ABHD2: variants seen among roughly 807,000 people sequenced by gnomAD.
ABHD2 encodes abhydrolase domain containing 2, acylglycerol lipase.
A neutral mutation model predicts 48.1 loss-of-function variants in ABHD2; 20 were observed. The observed-to-expected ratio is 0.42, with a 90% CI of 0.29 to 0.60. The LOEUF is 0.60. ABHD2 is among the 20% of genes least tolerant of loss of function. The probability of loss-of-function intolerance (pLI) is 0.24; values close to 1 mark genes in which losing one functional copy is unlikely to be tolerated. For missense variants in ABHD2, 405 were observed against 550.9 expected (o/e 0.74, Z 2.65); for synonymous variants, 209 against 214.2 (o/e 0.98, Z 0.21).
At chr15:89,058,262 C>T in the ABHD2 span, among the ~76,000 whole-genome samples, 2 of 152,140 alleles carry the variant, frequency 1.3e-5, no homozygotes, top group Non-Finnish European at 2.9e-5. Context: ...AGGAGCCTCA[C>T]ATACGTGTGG....
the ABHD2 span, among the ~76,000 whole-genome samples, chr15:89,078,466 A>T: frequency 6.6e-6 from 1 of 152,194 alleles, no homozygotes; most frequent in Non-Finnish European, 1.5e-5. Context: ...AGATCGTTGC[A>T]TTTGGATATT....
At chr15:89,042,652 T>G in the ABHD2 span, among the ~76,000 whole-genome samples, 5 of 151,146 alleles carry the variant, frequency 3.3e-5, no homozygotes, top group African/African-American at 1.2e-4. Flanking sequence ...TTTTGTTTTT[T>G]CTTTTCTTTT....
chr15:89,045,335 G>A, the ABHD2 span, among the ~76,000 whole-genome samples: 1 of 152,150 alleles, frequency 6.6e-6, no homozygotes, highest in Admixed American at 6.6e-5. Flanking sequence ...AAGTCAGGTA[G>A]TGTGACGCCT....
At chr15:89,134,705 T>C (rs2050275393) in intron 3 of ABHD2, among the ~76,000 whole-genome samples, 1 of 152,198 alleles carries the variant, frequency 6.6e-6, no homozygotes, top group South Asian at 2.1e-4. Flanking sequence ...TATAGGTAAT[T>C]TAGGGAAAAT....
chr15:89,042,606 ATTTATTTATTTATTTATTTATTTATTTT>A, the ABHD2 span, among the ~76,000 whole-genome samples: 18 of 82,718 alleles, frequency 2.2e-4, no homozygotes, highest in South Asian at 4.2e-3. Context: ...TTATTTATTT[ATTTATTTATTTATTTATTTATTTATTTT>A]GGAGACTTTT....
chr15:89,145,186 G>A (rs1229100506), intron 3 of ABHD2, among the ~76,000 whole-genome samples: 2 of 152,202 alleles, frequency 1.3e-5, no homozygotes, highest in Non-Finnish European at 2.9e-5. Context: ...AACCCAGGAG[G>A]TGAAGGTTGC....
chr15:89,109,472 G>A (rs993856443), intron 1 of ABHD2, among the ~76,000 whole-genome samples: 2 of 152,022 alleles, frequency 1.3e-5, no homozygotes, highest in Non-Finnish European at 2.9e-5. Flanking sequence ...GTTTGGGGTG[G>A]GGGTAGGGAG....
intron 1 of ABHD2, among the ~76,000 whole-genome samples, chr15:89,109,055 C>T (rs936391504): frequency 3.9e-5 from 6 of 152,346 alleles, no homozygotes; most frequent in Middle Eastern, 3.4e-3. Context: ...AAGGGCAGAG[C>T]AGACACTAGG....
Position 89,188,105 on chromosome 15 carries a change from C to T in ABHD2, c.816-88C>T, listed in dbSNP as rs897620430. The T allele has an allele frequency of 1.3e-5, 15 of 1,149,372 alleles. No homozygotes were observed. Among genetic ancestry groups the T allele is most frequent in the Admixed American group, 1.8e-5 (1 of 54,688 alleles). The allele number at this position is 1,149,372 out of a possible 1,614,324, so 71.2% of individuals were successfully genotyped here. ...CTAACTGACCACGTTGGCTCTCCCT[C>T]CTGGCTTGCTGTGGCAAGGAAGCAG... On this transcript the variant is annotated intron_variant, in intron 7 of 10. Transcript: ENST00000352732. The surrounding 1 kb of genome is among the most constrained non-coding windows in gnomAD (Gnocchi z 4.1).
intron 3 of ABHD2, among the ~76,000 whole-genome samples, chr15:89,143,936 T>G (rs960172613): frequency 3.3e-5 from 5 of 152,058 alleles, no homozygotes; most frequent in African/African-American, 1.2e-4. Flanking sequence ...TGATTGGGAA[T>G]ATAAAATGGT....
the ABHD2 span, among the ~76,000 whole-genome samples, chr15:89,059,026 A>G: frequency 2.0e-5 from 3 of 152,176 alleles, no homozygotes; most frequent in African/African-American, 7.2e-5. Context: ...TGAAAAATTC[A>G]TGAAGGAAGA....
At chr15:89,187,874 G>T (rs953064716) in intron 7 of ABHD2, among the ~76,000 whole-genome samples, 1 of 152,140 alleles carries the variant, frequency 6.6e-6, no homozygotes, top group Non-Finnish European at 1.5e-5. Context: ...TAAGGACGAC[G>T]CCCCTACGGC....
rs1241423803 is a variant in ABHD2, at chr15:89,189,365, C to T, written c.926+1062C>T. Among the ~76,000 whole-genome samples the T allele has an allele frequency of 5.3e-5, 8 of 151,850 alleles. No homozygotes were observed. The highest frequency in any genetic ancestry group is 2.1e-4 in the South Asian group (1 of 4,812). ...AAAAATAGCCGGGCATAGTGGCACA[C>T]ACCTGTAGTCCCAGCTGCTTAGGAG... On this transcript the variant is annotated intron_variant, in intron 8 of 10. Transcript: ENST00000352732. The surrounding 1 kb of genome is among the most constrained non-coding windows in gnomAD (Gnocchi z 4.9).
chr15:89,089,128 A>G (rs1283865791), intron 1 of ABHD2, among the ~76,000 whole-genome samples: 2 of 152,216 alleles, frequency 1.3e-5, no homozygotes, highest in Non-Finnish European at 2.9e-5. Context: ...AGCTTTTCCC[A>G]CAGCTAGAGC....
At chr15:89,136,868 T>C (rs1234995435) in intron 3 of ABHD2, among the ~76,000 whole-genome samples, 1 of 152,216 alleles carries the variant, frequency 6.6e-6, no homozygotes, top group Admixed American at 6.5e-5. Flanking sequence ...AGGCACTGTG[T>C]TGGACAAAGA....
At chr15:89,051,099 G>A in the ABHD2 span, among the ~76,000 whole-genome samples, 1 of 152,126 alleles carries the variant, frequency 6.6e-6, no homozygotes, top group African/African-American at 2.4e-5. Context: ...TGGGCGTGGT[G>A]GTGCGCGCCT....
chr15:89,062,390 G>T, the ABHD2 span, among the ~76,000 whole-genome samples: 1 of 151,828 alleles, frequency 6.6e-6, no homozygotes, highest in Non-Finnish European at 1.5e-5. Flanking sequence ...TTTGTTTTTT[G>T]TTTTTGTTTT....
At chr15:89,096,269 T>A (rs2049611828) in intron 1 of ABHD2, among the ~76,000 whole-genome samples, 1 of 152,370 alleles carries the variant, frequency 6.6e-6, no homozygotes, top group African/African-American at 2.4e-5. Flanking sequence ...TTTGAGTAAT[T>A]TTATGTTTTT....
rs1165116453 is a variant in ABHD2 at position 89,174,576 on chromosome 15, G to T, written c.539-1236G>T. 1.3e-5 allele frequency among the ~76,000 whole-genome samples: 2 copies of T among 152,220 alleles called. No individual in the cohort carries two copies. The highest frequency in any genetic ancestry group is 4.8e-5 in the African/African-American group (2 of 41,456). ...GGCTCAAAAGATACTTTCCCCCATG[G>T]CTTGATGATTAGGGAAGGAGCTGTT... is the stretch of plus-strand genomic sequence containing the variant. On this transcript the variant is annotated intron_variant, in intron 5 of 10. Coordinates refer to ENST00000352732, the MANE Select transcript of ABHD2 (RefSeq NM_152924.5). This position sits in a 1 kb window ranked among gnomAD's most constrained non-coding sequence, Gnocchi z 4.1.
Sources: allele counts gnomAD v4.1 joint callset (sites outside exome capture counted in the v4.1 genomes callset), GRCh38; gene constraint gnomAD v4.1.1; non-coding constraint Gnocchi (gnomAD v3.1); transcripts MANE v1.5; gene names NCBI Gene and HGNC (gene_info 2026-07-23, HGNC 2026-07-21).